GRM1: variants seen among roughly 807,000 people sequenced by gnomAD.
GRM1 encodes glutamate metabotropic receptor 1.
In GRM1, 33 loss-of-function variants were observed where a neutral mutation model predicts 90.9. The ratio of observed to expected loss-of-function variants is 0.36; its 90% CI spans 0.28 to 0.49. GRM1 has a LOEUF of 0.49. Among genes scored for constraint, GRM1 ranks in the 20% least tolerant of loss-of-function variants. GRM1 has a pLI of 0.99. For synonymous variants in GRM1, 700 were observed against 613.2 expected (o/e 1.14, Z -2.09); for missense variants, 1,190 against 1,534.3 (o/e 0.78, Z 3.75).
chr6:146,136,978 A>C (rs1274009073), intron 1 of GRM1, among the ~76,000 whole-genome samples: 2 of 147,232 alleles, frequency 1.4e-5, no homozygotes, highest in African/African-American at 2.5e-5. Context: ...TCAGCCTCCC[A>C]AGTAGCTGGT....
At chr6:146,241,070 C>T (rs149767892) in intron 2 of GRM1, among the ~76,000 whole-genome samples, 309 of 152,180 alleles carry the variant, frequency 2.0e-3, no homozygotes, top group African/African-American at 7.1e-3. Context: ...CAGCAGCTGC[C>T]GGATTTTCCT....
intron 2 of GRM1, among the ~76,000 whole-genome samples, chr6:146,246,494 G>A (rs1299514395): frequency 3.9e-5 from 6 of 152,138 alleles, no homozygotes; most frequent in Admixed American, 3.9e-4. Context: ...GAAGATCAAA[G>A]GCTAGATTAT....
intron 1 of GRM1, among the ~76,000 whole-genome samples, chr6:146,079,532 T>G (rs143865386): frequency 6.6e-6 from 1 of 152,278 alleles, no homozygotes; most frequent in African/African-American, 2.4e-5. Flanking sequence ...TAGTAAAAAT[T>G]TATTGTCCTG....
intron 2 of GRM1, among the ~76,000 whole-genome samples, chr6:146,182,503 A>G (rs1420650155): frequency 6.6e-6 from 1 of 151,602 alleles, no homozygotes; most frequent in East Asian, 1.9e-4. Flanking sequence ...CATGTCTATT[A>G]GGAGAACAGG....
chr6:146,163,674 G>T (rs1045934463), intron 2 of GRM1, among the ~76,000 whole-genome samples: 3 of 152,154 alleles, frequency 2.0e-5, no homozygotes, highest in East Asian at 3.8e-4. Flanking sequence ...TTGTTTAAGA[G>T]ATATTGGCAT....
chr6:146,435,277 G>T lies in GRM1; in HGVS notation c.*481G>T, dbSNP rs911413335. 4.5e-5 allele frequency: 13 copies of T among 290,458 alleles called. No homozygotes were observed. The highest frequency in any genetic ancestry group is 9.9e-5 in the Admixed American group (2 of 20,282). 18.0% of individuals were successfully genotyped at this position (290,458 alleles called of 1,614,324 possible). On this transcript the variant is annotated 3_prime_UTR_variant, in exon 8 of 8. Coordinates refer to ENST00000282753, the MANE Select transcript of GRM1 (RefSeq NM_001278064.2). ...TGGAGCCAGACAGAGCAGGTGCGGG[G>T]AAGGGAAGGGCCCAGGCCAGACCCA... is the stretch of plus-strand genomic sequence containing the variant.
intron 2 of GRM1, among the ~76,000 whole-genome samples, chr6:146,196,743 T>C (rs1017337651): frequency 6.6e-6 from 1 of 152,180 alleles, no homozygotes. Context: ...CAGCCATCTA[T>C]GTTTTAATAA....
intron 2 of GRM1, among the ~76,000 whole-genome samples, chr6:146,234,622 G>T (rs555260155): frequency 6.6e-6 from 1 of 151,710 alleles, no homozygotes; most frequent in African/African-American, 2.4e-5. Flanking sequence ...CATATTTTGT[G>T]TCATATTTCT....
intron 2 of GRM1, among the ~76,000 whole-genome samples, chr6:146,166,417 C>T (rs117194167): frequency 0.012 from 1,780 of 152,246 alleles, 23 homozygotes; most frequent in Middle Eastern, 0.031. Context: ...AAGGTTAACT[C>T]TATTGTCCAT....
intron 2 of GRM1, among the ~76,000 whole-genome samples, chr6:146,181,827 A>G (rs1320065112): frequency 1.3e-5 from 2 of 152,180 alleles, no homozygotes; most frequent in South Asian, 4.1e-4. Context: ...AATGATTAAC[A>G]ATGAAAATCA....
chr6:146,404,430 G>A (rs1777264898), intron 7 of GRM1, among the ~76,000 whole-genome samples: 2 of 152,082 alleles, frequency 1.3e-5, no homozygotes, highest in Admixed American at 6.6e-5. Flanking sequence ...ATGTGCCATA[G>A]TAGAAAACCA....
At chr6:146,144,411 G>A (rs575972833) in intron 1 of GRM1, among the ~76,000 whole-genome samples, 1 of 152,270 alleles carries the variant, frequency 6.6e-6, no homozygotes, top group South Asian at 2.1e-4. Flanking sequence ...ATAGAAAGAA[G>A]AGAGACTTGA....
chr6:146,265,459 T>C (rs1341340733), intron 2 of GRM1, among the ~76,000 whole-genome samples: 1 of 152,238 alleles, frequency 6.6e-6, no homozygotes, highest in Non-Finnish European at 1.5e-5. Flanking sequence ...TATGCAAATA[T>C]TTTCTCCCAT....
At chr6:146,266,221 A>T (rs551360194) in intron 2 of GRM1, among the ~76,000 whole-genome samples, 31 of 152,308 alleles carry the variant, frequency 2.0e-4, no homozygotes, top group African/African-American at 6.5e-4. Context: ...GTTAACTTTT[A>T]AAACTACAAT....
rs188948996 is a variant in GRM1 at position 146,408,972 on chromosome 6, G to A, written c.2660+9273G>A. The stretch of plus-strand genomic sequence containing the variant: ...TAAGAGAAAAGTCTCAGTGGGTTTG[G>A]AAGCTTCAGATCACAAGAATAGAGC... On this transcript the variant is annotated intron_variant, in intron 7 of 7. Transcript: ENST00000282753. Among the ~76,000 whole-genome samples, 56 of 152,272 alleles carry A rather than the reference G, an allele frequency of 3.7e-4. 2 individuals carry two copies. The highest frequency in any genetic ancestry group is 3.1e-3 in the Admixed American group (48 of 15,284).
chr6:146,276,696 T>C (rs1235525397), intron 2 of GRM1, among the ~76,000 whole-genome samples: 2 of 152,148 alleles, frequency 1.3e-5, no homozygotes, highest in African/African-American at 4.8e-5. Flanking sequence ...AAATGAATTG[T>C]TAGTTAAAAA....
chr6:146,187,003 A>T (rs74866850), intron 2 of GRM1, among the ~76,000 whole-genome samples: 1,891 of 152,312 alleles, frequency 0.012, 37 homozygotes, highest in African/African-American at 0.043. Context: ...AAAGAAAGTC[A>T]CATGGCCACA....
Position 146,437,160 on chromosome 6 carries a change from G to A in GRM1, c.*2364G>A, listed in dbSNP as rs564810811. 5.9e-5 allele frequency: 9 copies of A among 152,200 alleles called. No individual in the cohort carries two copies. The highest frequency in any genetic ancestry group is 1.9e-4 in the African/African-American group (8 of 41,538). 9.4% of individuals were successfully genotyped at this position (152,200 alleles called of 1,614,324 possible). ...GGGAAAGCATATGATCTCTTTATTAGTGAATCATGCTTATTTTTTACTCTT... is the reference window on the plus strand; with the variant it reads ...GGGAAAGCATATGATCTCTTTATTAATGAATCATGCTTATTTTTTACTCTT... On this transcript the variant is annotated 3_prime_UTR_variant, in exon 8 of 8. Transcript: ENST00000282753.
At chr6:146,087,110 CAGAT>C (rs922462780) in intron 1 of GRM1, among the ~76,000 whole-genome samples, 1 of 152,084 alleles carries the variant, frequency 6.6e-6, no homozygotes, top group Non-Finnish European at 1.5e-5. Context: ...TGTCCAATCT[CAGAT>C]AGCGGCATGT....
Sources: gnomAD v4.1 joint callset for allele counts (sites outside exome capture counted in the v4.1 genomes callset) on GRCh38, gnomAD v4.1.1 for gene constraint, MANE v1.5 for transcripts, NCBI Gene and HGNC (gene_info 2026-07-23, HGNC 2026-07-21) for gene names.